KSR1: variants seen among roughly 807,000 people sequenced by gnomAD.
The protein encoded by KSR1 is kinase suppressor of ras 1.
Under a neutral mutation model 92.9 loss-of-function variants are expected in KSR1, and 35 were observed. That is an observed-to-expected ratio of 0.38 (90% CI 0.29 to 0.50). The LOEUF is 0.50. KSR1 is among the 20% of genes least tolerant of loss of function. The pLI is 0.94. For missense variants in KSR1, 972 were observed against 1,158.5 expected (o/e 0.84, Z 2.34); for synonymous variants, 467 against 472.6 (o/e 0.99, Z 0.15).
intron 16 of KSR1, 65 bp downstream of exon 16, chr17:27,609,394 C>T (rs1443951761): frequency 1.9e-6 from 3 of 1,590,418 alleles, no homozygotes; most frequent in Non-Finnish European, 2.6e-6. Context: ...GGGCTGAGGT[C>T]TGGGCACTTT....
chr17:27,561,876 C>T (rs1030303058), intron 2 of KSR1, among the ~76,000 whole-genome samples: 3 of 152,100 alleles, frequency 2.0e-5, no homozygotes, highest in Admixed American at 6.6e-5. Flanking sequence ...GGCAGAGTCT[C>T]GCTCTGTCGC....
At chr17:27,507,955 C>A (rs2069456233) in intron 1 of KSR1, among the ~76,000 whole-genome samples, 1 of 152,120 alleles carries the variant, frequency 6.6e-6, no homozygotes, top group Non-Finnish European at 1.5e-5. Context: ...TGTAGCCTGG[C>A]AGCTGCTGTC....
chr17:27,512,935 C>T (rs554190151), intron 1 of KSR1, among the ~76,000 whole-genome samples: 41 of 152,304 alleles, frequency 2.7e-4, no homozygotes, highest in Middle Eastern at 6.8e-3. Context: ...CCAGCGCCCC[C>T]GGAGGCTCCC....
intron 1 of KSR1, among the ~76,000 whole-genome samples, chr17:27,467,543 C>A (rs1289075337): frequency 6.6e-6 from 1 of 152,150 alleles, no homozygotes; most frequent in Non-Finnish European, 1.5e-5. Context: ...TAGACATTAT[C>A]TTGTGAATGG....
rs1222272718 is a variant in KSR1, at chr17:27,626,000, C to T, written c.*2608C>T. 1 of 152,206 alleles carries T rather than the reference C, an allele frequency of 6.6e-6. No homozygotes were observed. Among genetic ancestry groups the T allele is most frequent in the African/African-American group, 2.4e-5 (1 of 41,434 alleles). The allele number at this position is 152,206 out of a possible 1,614,324, so 9.4% of individuals were successfully genotyped here. ...TAGCAAAGTTGATCTCTCCATGTCA[C>T]CAAATCAAAACACCCTCTGTCATCC... On this transcript the variant is annotated 3_prime_UTR_variant, in exon 21 of 21. Transcript: ENST00000644974.
Position 27,602,735 on chromosome 17 carries a change from C to G in KSR1, c.1511-1099C>G, listed in dbSNP as rs577023144. ...CCCCTGCTGGTAGTCTGCAGACACA[C>G]TGTGTCCGGGGGAGGCCTTACCGGT... On this transcript the variant is annotated intron_variant, in intron 11 of 20. Transcript: ENST00000644974. 2.6e-5 allele frequency among the ~76,000 whole-genome samples: 4 copies of G among 152,334 alleles called. No individual in the cohort carries two copies. The East Asian group carries it at 7.7e-4, about 29-fold the overall frequency.
In KSR1 at chr17:27,604,848, G is replaced by C; in HGVS notation, c.1614+120G>C. On this transcript the variant is annotated intron_variant, in intron 13 of 20. Coordinates refer to ENST00000644974, the MANE Select transcript of KSR1 (RefSeq NM_001394583.1). Reference sequence around the variant, plus strand: ...TGGACTTTGGCAAGGGCTGTCCCAGGCACCCATTGCAGAGGTGCATGTCAG... The same window carrying C: ...TGGACTTTGGCAAGGGCTGTCCCAGCCACCCATTGCAGAGGTGCATGTCAG... The C allele has an allele frequency of 1.3e-5, 12 of 945,564 alleles. No individual in the cohort carries two copies. In the South Asian group the frequency reaches 1.6e-4, roughly 13 times the overall value. 58.6% of individuals were successfully genotyped at this position (945,564 alleles called of 1,614,324 possible).
intron 1 of KSR1, among the ~76,000 whole-genome samples, chr17:27,466,758 AG>A (rs933594858): frequency 2.2e-4 from 34 of 152,356 alleles, no homozygotes; most frequent in African/African-American, 8.2e-4. Flanking sequence ...TTTTGAAAGG[AG>A]GAGCTCTTTC....
At chr17:27,618,082 T>C (rs9303666) in intron 19 of KSR1, among the ~76,000 whole-genome samples, 37,620 of 151,846 alleles carry the variant, frequency 0.25, 5,221 homozygotes, top group African/African-American at 0.37. Context: ...AGATAGAAAT[T>C]AGAGTGATGT....
At chr17:27,501,648 G>A (rs531419541) in intron 1 of KSR1, among the ~76,000 whole-genome samples, 12 of 152,276 alleles carry the variant, frequency 7.9e-5, no homozygotes, top group Non-Finnish European at 1.2e-4. Context: ...ACAGGCATGC[G>A]CCACCACGCC....
At chr17:27,497,612 A>G (rs560981636) in intron 1 of KSR1, among the ~76,000 whole-genome samples, 2 of 152,310 alleles carry the variant, frequency 1.3e-5, no homozygotes, top group African/African-American at 4.8e-5. Flanking sequence ...GTTTTGTTTC[A>G]GTTATGCTTG....
At chr17:27,609,885 T>G in intron 16 of KSR1, 182 bp from the exon 17 acceptor site, 3 of 645,632 alleles carry the variant, frequency 4.6e-6, no homozygotes, top group Non-Finnish European at 7.7e-6. Context: ...CATGACTCCT[T>G]TGTAGAATTC....
rs554493251 is a variant in KSR1, at chr17:27,545,273, C to A, written c.232-5295C>A. 5.3e-5 allele frequency among the ~76,000 whole-genome samples: 8 copies of A among 152,332 alleles called. No homozygotes were observed. In the East Asian group the frequency reaches 1.5e-3, roughly 29 times the overall value. On this transcript the variant is annotated intron_variant, in intron 1 of 20. Transcript: ENST00000644974. ...GTCCTGGCTTTTGAGATGTTCAGACCCCTGTCTCATCACTTGCCCAGTTGG... is the reference window on the plus strand; with the variant it reads ...GTCCTGGCTTTTGAGATGTTCAGACACCTGTCTCATCACTTGCCCAGTTGG...
intron 18 of KSR1, 142 bp downstream of exon 18, chr17:27,611,771 A>G: frequency 2.1e-6 from 2 of 947,220 alleles, no homozygotes; most frequent in Non-Finnish European, 1.6e-6. Flanking sequence ...AGAGATGAAA[A>G]TGATATGCAT....
At chr17:27,510,724 G>A (rs1220960751) in intron 1 of KSR1, among the ~76,000 whole-genome samples, 3 of 152,172 alleles carry the variant, frequency 2.0e-5, no homozygotes, top group African/African-American at 4.8e-5. Flanking sequence ...GCATGGGTTG[G>A]GGGTATGATG....
At chr17:27,460,120 G>C (rs932400357) in intron 1 of KSR1, among the ~76,000 whole-genome samples, 2 of 152,250 alleles carry the variant, frequency 1.3e-5, no homozygotes, top group Middle Eastern at 3.4e-3. Flanking sequence ...GTCTCCGCTA[G>C]ACCCTCCTAG....
At chr17:27,514,494 A>G (rs771984223) in intron 1 of KSR1, among the ~76,000 whole-genome samples, 8 of 152,156 alleles carry the variant, frequency 5.3e-5, no homozygotes, top group Non-Finnish European at 8.8e-5. Flanking sequence ...CCCCGTCTCT[A>G]TTAAAAATAC....
intron 1 of KSR1, among the ~76,000 whole-genome samples, chr17:27,490,397 A>AGAATGAAGATGAAC (rs1489851317): frequency 6.6e-6 from 1 of 152,228 alleles, no homozygotes; most frequent in Non-Finnish European, 1.5e-5. Flanking sequence ...CCATTGTTAA[A>AGAATGAAGATGAAC]GAATGAAGAT....
chr17:27,625,127 G>T lies in KSR1; in HGVS notation c.*1735G>T. On this transcript the variant is annotated 3_prime_UTR_variant, in exon 21 of 21. Coordinates refer to ENST00000644974, the MANE Select transcript of KSR1 (RefSeq NM_001394583.1). ...CATCCCTTTGGCCTCCCACACACCT[G>T]CCCCTTCCCAGGGATCACGTGTGTC... is the stretch of plus-strand genomic sequence containing the variant. 6.6e-6 allele frequency: 1 copy of T among 152,464 alleles called. No homozygotes were observed. Among genetic ancestry groups the T allele is most frequent in the Non-Finnish European group, 1.5e-5 (1 of 68,116 alleles). The allele number at this position is 152,464 out of a possible 1,614,324, so 9.4% of individuals were successfully genotyped here.
Sources: allele counts gnomAD v4.1 joint callset (sites outside exome capture counted in the v4.1 genomes callset), GRCh38; gene constraint gnomAD v4.1.1; transcripts MANE v1.5; gene names NCBI Gene and HGNC (gene_info 2026-07-23, HGNC 2026-07-21).